Variants in PPP6R2 observed in about 807,000 individuals in gnomAD.
PPP6R2 encodes serine/threonine-protein phosphatase 6 regulatory subunit 2.
In PPP6R2, 62 loss-of-function variants were observed where a neutral mutation model predicts 100.2. That is an observed-to-expected ratio of 0.62 (90% CI 0.50 to 0.76). PPP6R2 has a LOEUF of 0.76. PPP6R2 is among the 30% of genes least tolerant of loss of function. The probability of loss-of-function intolerance (pLI) is 0.00; values close to 1 mark genes in which losing one functional copy is unlikely to be tolerated. For missense variants in PPP6R2, 1,142 were observed against 1,276.3 expected (o/e 0.89, Z 1.60); for synonymous variants, 525 against 514.7 (o/e 1.02, Z -0.27).
chr22:50,442,498 CAT>C (rs1224463438), intron 22 of PPP6R2, among the ~76,000 whole-genome samples: 3 of 152,238 alleles, frequency 2.0e-5, no homozygotes, highest in Admixed American at 2.0e-4. Context: ...GGTTGAAAGT[CAT>C]ACAGAGTTCC....
At chr22:50,398,198 G>A (rs1186080533) in intron 3 of PPP6R2, among the ~76,000 whole-genome samples, 1 of 147,736 alleles carries the variant, frequency 6.8e-6, no homozygotes, top group Non-Finnish European at 1.5e-5. Flanking sequence ...CTGAGATGGA[G>A]TCTCACTCTG....
At chr22:50,396,823 G>A (rs553957621) in intron 3 of PPP6R2, among the ~76,000 whole-genome samples, 3 of 152,258 alleles carry the variant, frequency 2.0e-5, no homozygotes, top group South Asian at 4.1e-4. Context: ...GGGGAGGAGA[G>A]TTCTAGCCTG....
chr22:50,340,962 G>T (rs1241473779), upstream of PPP6R2, among the ~76,000 whole-genome samples: 1 of 152,056 alleles, frequency 6.6e-6, no homozygotes, highest in East Asian at 1.9e-4. Flanking sequence ...CCAGGCTGGA[G>T]TGCAGTGACG....
chr22:50,380,937 C>G (rs1171591338), intron 2 of PPP6R2, among the ~76,000 whole-genome samples: 2 of 146,464 alleles, frequency 1.4e-5, no homozygotes, highest in East Asian at 2.1e-4. Flanking sequence ...TGCAGTGAGC[C>G]GAGATTACGC....
chr22:50,417,616 C>T (rs1270595374), intron 6 of PPP6R2, among the ~76,000 whole-genome samples: 1 of 152,246 alleles, frequency 6.6e-6, no homozygotes, highest in Non-Finnish European at 1.5e-5. Context: ...AACCACCCTA[C>T]TTTGTTCTCC....
chr22:50,394,077 CT>C lies in PPP6R2; in HGVS notation c.170del (p.Leu57ArgfsTer2). 6.2e-7 allele frequency: 1 copy of C among 1,614,180 alleles called. No individual in the cohort carries two copies. Among genetic ancestry groups the C allele is most frequent in the Non-Finnish European group, 8.5e-7 (1 of 1,180,036 alleles). ...FLCRQQCMEE[L>X]VSLITQDPPL... The stretch of plus-strand genomic sequence containing the variant: ...GTGCAGGCAGCAGTGCATGGAGGAG[CT>C]GGTGAGCCTCATCACACAGGATCCG... On this transcript the variant is annotated frameshift_variant, in exon 3 of 24. Coordinates refer to ENST00000612753, the MANE Select transcript of PPP6R2 (RefSeq NM_001242898.2). LOFTEE classifies it high-confidence loss of function.
chr22:50,414,331 G>GCCCCCCCCCCCCCC (rs57634612), intron 4 of PPP6R2, among the ~76,000 whole-genome samples: 55 of 26,798 alleles, frequency 2.1e-3, no homozygotes, highest in Non-Finnish European at 3.2e-3. Flanking sequence ...CTGTGCAGTG[G>GCCCCCCCCCCCCCC]CCCCCCCCCC....
chr22:50,385,743 T>G (rs1020812369), intron 2 of PPP6R2, among the ~76,000 whole-genome samples: 1 of 150,614 alleles, frequency 6.6e-6, no homozygotes, highest in African/African-American at 2.4e-5. Flanking sequence ...CTTGAACTCC[T>G]GACCTCAGGT....
At chr22:50,352,313 G>A (rs1306805427) in intron 1 of PPP6R2, among the ~76,000 whole-genome samples, 8 of 152,140 alleles carry the variant, frequency 5.3e-5, no homozygotes, top group East Asian at 1.9e-4. Context: ...AACAACCTCC[G>A]CTAGCTTCCA....
rs756836095 is a variant in PPP6R2 at position 50,431,150 on chromosome 22, T to C, written c.1126-23T>C. 7 of 1,571,122 alleles carry C rather than the reference T, an allele frequency of 4.5e-6. No individual in the cohort carries two copies. The South Asian group carries it at 7.8e-5, about 17-fold the overall frequency. ...CAGGAGAAAACCGATCTAAGAACTG[T>C]CTTCTGTCCTCTGTTTACCCAGGAC... On this transcript the variant is annotated intron_variant, in intron 10 of 23. Coordinates refer to ENST00000612753, the MANE Select transcript of PPP6R2 (RefSeq NM_001242898.2). The surrounding 1 kb of genome is among the most constrained non-coding windows in gnomAD (Gnocchi z 4.8).
chr22:50,374,301 C>T (rs1009169196), intron 2 of PPP6R2, among the ~76,000 whole-genome samples: 1 of 152,048 alleles, frequency 6.6e-6, no homozygotes, highest in Admixed American at 6.6e-5. Flanking sequence ...TGCCGCTGCC[C>T]TCCAGCCTGG....
rs532635706 is a variant in PPP6R2, at chr22:50,398,054, C to T, written c.227+3919C>T. Among the ~76,000 whole-genome samples, 14 of 152,238 alleles carry T rather than the reference C, an allele frequency of 9.2e-5. 1 individual carries two copies. Among genetic ancestry groups the T allele is most frequent in the Admixed American group, 7.2e-4 (11 of 15,282 alleles). ...TCACTTGTATAAAAAACATGAAAGTCAGGTGTGGTGGCTCACGCTGGTAAT... is the reference window on the plus strand; with the variant it reads ...TCACTTGTATAAAAAACATGAAAGTTAGGTGTGGTGGCTCACGCTGGTAAT... On this transcript the variant is annotated intron_variant, in intron 3 of 23. Transcript: ENST00000612753.
intron 18 of PPP6R2, 26 bp downstream of exon 18, chr22:50,438,324 A>C: frequency 2.5e-6 from 4 of 1,601,568 alleles, no homozygotes; most frequent in Non-Finnish European, 3.4e-6. Flanking sequence ...ATCCCCACAA[A>C]GCCTCTGCCG....
At chr22:50,410,453 T>C (rs1361594719) in intron 4 of PPP6R2, among the ~76,000 whole-genome samples, 1 of 151,570 alleles carries the variant, frequency 6.6e-6, no homozygotes, top group Non-Finnish European at 1.5e-5. Context: ...TATCTTTGTA[T>C]TATTTTGAGT....
chr22:50,428,228 CCTTGA>C (rs1180480570), intron 10 of PPP6R2, among the ~76,000 whole-genome samples: 4 of 152,200 alleles, frequency 2.6e-5, no homozygotes, highest in Admixed American at 6.5e-5. Flanking sequence ...TCTTTTATCT[CCTTGA>C]CTTAATTCTT....
chr22:50,416,194 C>G (rs1156491984), intron 6 of PPP6R2, 37 bp downstream of exon 6: 10 of 1,570,222 alleles, frequency 6.4e-6, no homozygotes, highest in Non-Finnish European at 8.8e-6. Context: ...TGCATCAGTC[C>G]AGGCCTGTGC....
chr22:50,418,720 T>C (rs2060891107), intron 6 of PPP6R2, 147 bp from the exon 7 acceptor site: 1 of 641,598 alleles, frequency 1.6e-6, no homozygotes, highest in Non-Finnish European at 2.7e-6. Flanking sequence ...AGAAAAAGTA[T>C]TTGAACATCA....
chr22:50,430,999 C>CG (rs2063042073), intron 10 of PPP6R2, among the ~76,000 whole-genome samples, 174 bp from the exon 11 acceptor site: 1 of 152,054 alleles, frequency 6.6e-6, no homozygotes, highest in Non-Finnish European at 1.5e-5. Context: ...GAAGAAGCTC[C>CG]GTAATAGAGA....
chr22:50,393,307 TG>T (rs1569382035), intron 2 of PPP6R2: 1 of 812,392 alleles, frequency 1.2e-6, no homozygotes, highest in Non-Finnish European at 1.5e-6. Flanking sequence ...GCCGGGTGGC[TG>T]GGGGAGGCAG....
Sources: gnomAD v4.1 joint callset for allele counts (sites outside exome capture counted in the v4.1 genomes callset) on GRCh38, gnomAD v4.1.1 for gene constraint, Gnocchi (gnomAD v3.1) non-coding constraint, MANE v1.5 for transcripts, NCBI Gene and HGNC (gene_info 2026-07-23, HGNC 2026-07-21) for gene names.